C8orf34: variants seen among roughly 807,000 people sequenced by gnomAD.
C8orf34 encodes the protein uncharacterized protein C8orf34.
C8orf34 carries 65 observed loss-of-function variants against 68.3 expected under a neutral mutation model. That is an observed-to-expected ratio of 0.95 (90% CI 0.78 to 1.17). The LOEUF (loss-of-function observed/expected upper bound fraction) is 1.17, where lower values mean the gene tolerates loss of function less well. Ranked by LOEUF, C8orf34 falls within the 50% of genes most tolerant of loss-of-function variation. The pLI is 0.00. For missense variants in C8orf34, 664 were observed against 655.4 expected, an observed-to-expected ratio of 1.01 and a Z score of -0.14; for synonymous variants, 244 against 241.2, an observed-to-expected ratio of 1.01 and a Z score of -0.11.
At chr8:68,721,597 G>A (rs1455716441) in intron 10 of C8orf34, among the ~76,000 whole-genome samples, 160 bp downstream of exon 10, 1 of 151,778 alleles carries the variant, frequency 6.6e-6, no homozygotes, top group Non-Finnish European at 1.5e-5. Context: ...GAACTAGATG[G>A]GAAAAGTGAA....
At chr8:68,816,437 A>G (rs1824822382) in intron 13 of C8orf34, among the ~76,000 whole-genome samples, 2 of 152,138 alleles carry the variant, frequency 1.3e-5, no homozygotes, top group African/African-American at 4.8e-5. Context: ...ACACTTTGTC[A>G]TCTCTTAAGT....
At chr8:68,810,798 C>G (rs764641901) in intron 12 of C8orf34, among the ~76,000 whole-genome samples, 4 of 152,166 alleles carry the variant, frequency 2.6e-5, no homozygotes, top group Admixed American at 2.0e-4. Flanking sequence ...TAGCTCCTCT[C>G]CACAGACAGG....
chr8:68,474,909 C>T (rs1280632858), intron 4 of C8orf34, among the ~76,000 whole-genome samples: 1 of 152,206 alleles, frequency 6.6e-6, no homozygotes, highest in Non-Finnish European at 1.5e-5. Flanking sequence ...TATTGATTCG[C>T]TTCTCCATTC....
chr8:68,343,193 A>G (rs1289523667), intron 1 of C8orf34, among the ~76,000 whole-genome samples: 1 of 152,212 alleles, frequency 6.6e-6, no homozygotes, highest in African/African-American at 2.4e-5. Context: ...TACTGATGGT[A>G]AATAAGCACA....
Position 68,374,061 on chromosome 8 carries a change from G to A in C8orf34, c.327+42722G>A, listed in dbSNP as rs765295962. Among the ~76,000 whole-genome samples the A allele has an allele frequency of 3.9e-5, 6 of 152,158 alleles. 1 individual carries two copies. Among genetic ancestry groups the A allele is most frequent in the African/African-American group, 2.4e-5 (1 of 41,528 alleles). ...CTGTTGAATAGCTAGTACTACAGGC[G>A]TGCACCATCATGCCCACCTAATCTT... On this transcript the variant is annotated intron_variant, in intron 1 of 13. Transcript: ENST00000518698.
rs186326662 is a variant in C8orf34, at chr8:68,533,263, C to A, written c.1105+114C>A. 2,602 of 1,416,430 alleles carry A rather than the reference C, an allele frequency of 1.8e-3. 18 individuals are homozygous for A. The Middle Eastern group carries it at 0.03, about 16-fold the overall frequency. The allele number at this position is 1,416,430 out of a possible 1,614,324, so 87.7% of individuals were successfully genotyped here. Reference sequence around the variant, plus strand: ...TAGCCTTGTCTTAGGGAAAAGAAACCATTTAGTACATATTTTATTTACATT... The same window carrying A: ...TAGCCTTGTCTTAGGGAAAAGAAACAATTTAGTACATATTTTATTTACATT... On this transcript the variant is annotated intron_variant, in intron 7 of 13. Transcript: ENST00000518698.
At chr8:68,443,628 G>A (rs538910242) in intron 2 of C8orf34, among the ~76,000 whole-genome samples, 2 of 151,524 alleles carry the variant, frequency 1.3e-5, no homozygotes, top group African/African-American at 4.9e-5. Context: ...GGATGGTCTC[G>A]ATCTCTTGAC....
At chr8:68,524,346 A>T (rs1233795622) in intron 6 of C8orf34, among the ~76,000 whole-genome samples, 1 of 152,172 alleles carries the variant, frequency 6.6e-6, no homozygotes, top group Admixed American at 6.5e-5. Context: ...ATGACATTGT[A>T]TGAAGAGGTT....
intron 7 of C8orf34, among the ~76,000 whole-genome samples, chr8:68,612,511 A>T (rs1818053037): frequency 1.3e-5 from 2 of 152,138 alleles, no homozygotes; most frequent in African/African-American, 2.4e-5. Flanking sequence ...CTTTTGATTG[A>T]TTATTTCAAA....
intron 7 of C8orf34, among the ~76,000 whole-genome samples, chr8:68,554,635 T>C (rs1816194855): frequency 6.6e-6 from 1 of 152,136 alleles, no homozygotes; most frequent in Non-Finnish European, 1.5e-5. Context: ...TAAGCCACCA[T>C]AGTAAGTGTT....
At chr8:68,659,479 T>C (rs571684497) in intron 8 of C8orf34, among the ~76,000 whole-genome samples, 21 of 152,316 alleles carry the variant, frequency 1.4e-4, no homozygotes, top group Middle Eastern at 3.4e-3. Context: ...GAATTGATCA[T>C]AGTTATGTCT....
chr8:68,810,720 G>A (rs986377283), intron 12 of C8orf34, among the ~76,000 whole-genome samples: 2 of 152,138 alleles, frequency 1.3e-5, no homozygotes, highest in Admixed American at 1.3e-4. Context: ...CAACTGGGTA[G>A]CTCCTCTCTA....
At chr8:68,354,090 G>C (rs1806639441) in intron 1 of C8orf34, among the ~76,000 whole-genome samples, 1 of 152,090 alleles carries the variant, frequency 6.6e-6, no homozygotes, top group Non-Finnish European at 1.5e-5. Context: ...CGTAAGGAGA[G>C]AGAGGAGTAG....
At chr8:68,780,025 T>C (rs531848851) in intron 11 of C8orf34, among the ~76,000 whole-genome samples, 1 of 152,162 alleles carries the variant, frequency 6.6e-6, no homozygotes, top group Non-Finnish European at 1.5e-5. Flanking sequence ...TCCAATGATT[T>C]CAAAGAATTA....
chr8:68,393,865 C>T (rs542797166), intron 1 of C8orf34, among the ~76,000 whole-genome samples: 139 of 152,124 alleles, frequency 9.1e-4, no homozygotes, highest in African/African-American at 3.0e-3. Context: ...ACAAGGTTGA[C>T]GATAGTTAAC....
chr8:68,709,074 C>A lies in C8orf34; in HGVS notation c.1322C>A (p.Ser441Ter). 6.2e-7 allele frequency: 1 copy of A among 1,609,780 alleles called. No individual in the cohort carries two copies. The highest frequency in any genetic ancestry group is 8.5e-7 in the Non-Finnish European group (1 of 1,177,006). ...TCTCCAGATGAAAAAATCCCAGATT[C>A]ATTCGGTAAGTTTTAAGTCCAACAA... is the stretch of plus-strand genomic sequence containing the variant. The part of the protein sequence containing the change: ...LHSPDEKIPD[S>*]FDSLPGTEEA... The change falls in exon 9 of 14, where the codon TCA (serine) becomes TAA (stop). Residue 441 changes from serine (S) to a stop codon, truncating the protein, a stop_gained. Transcript: ENST00000518698. LOFTEE classifies it high-confidence loss of function.
At chr8:68,580,883 A>T (rs1420219922) in intron 7 of C8orf34, among the ~76,000 whole-genome samples, 2 of 152,160 alleles carry the variant, frequency 1.3e-5, no homozygotes, top group African/African-American at 4.8e-5. Context: ...TTTCTACTTT[A>T]ATTCCCAGTG....
At chr8:68,375,420 A>AG in intron 1 of C8orf34, among the ~76,000 whole-genome samples, 2 of 152,376 alleles carry the variant, frequency 1.3e-5, no homozygotes, top group South Asian at 4.1e-4. Flanking sequence ...AGTTCTGATA[A>AG]TCCCTAACAA....
At chr8:68,776,342 C>T (rs1271394563) in intron 10 of C8orf34, 57 bp from the exon 11 acceptor site, 1 of 1,336,958 alleles carries the variant, frequency 7.5e-7, no homozygotes, top group Non-Finnish European at 1.1e-6. Flanking sequence ...ACGATTCTTT[C>T]ATTCTTTTTC....
Sources: gnomAD v4.1 joint callset for allele counts (sites outside exome capture counted in the v4.1 genomes callset) on GRCh38, gnomAD v4.1.1 for gene constraint, MANE v1.5 for transcripts, NCBI Gene and HGNC (gene_info 2026-07-23, HGNC 2026-07-21) for gene names.